Variants in CTNNA2 observed in about 807,000 individuals in gnomAD.
CTNNA2 encodes catenin alpha 2, also known as catenin alpha-2.
Under a neutral mutation model 101.0 loss-of-function variants are expected in CTNNA2, and 42 were observed. The observed-to-expected ratio is 0.42, with a 90% CI of 0.32 to 0.54. CTNNA2 has a LOEUF of 0.54. CTNNA2 is among the 20% of genes least tolerant of loss of function. CTNNA2 has a pLI of 0.14. For synonymous variants in CTNNA2, 450 were observed against 456.4 expected, an observed-to-expected ratio of 0.99 and a Z score of 0.18; for missense variants, 871 against 1,223.1, an observed-to-expected ratio of 0.71 and a Z score of 4.29.
intron 7 of CTNNA2, among the ~76,000 whole-genome samples, chr2:79,960,894 A>C (rs1182961696): frequency 2.6e-5 from 4 of 152,180 alleles, no homozygotes; most frequent in Non-Finnish European, 5.9e-5. Context: ...ATTAAAGGAC[A>C]GGCATGTATT....
rs569344404 is a variant in CTNNA2 at position 79,258,257 on chromosome 2, T to C, written c.-405-54452T>C. Among the ~76,000 whole-genome samples, 25 of 152,132 alleles carry C rather than the reference T, an allele frequency of 1.6e-4. 1 individual carries two copies. The South Asian group carries it at 5.0e-3, about 30-fold the overall frequency. On this transcript the variant is annotated intron_variant, in intron 2 of 21. Coordinates refer to the CTNNA2 transcript ENST00000466387. ...GGGAGTAGAGTGAAGCATGAAGCAATTTATAAAACTGGTCTCTTGAAGCAA... is the reference window on the plus strand; with the variant it reads ...GGGAGTAGAGTGAAGCATGAAGCAACTTATAAAACTGGTCTCTTGAAGCAA...
chr2:80,566,644 G>A (rs1195499635), intron 12 of CTNNA2, among the ~76,000 whole-genome samples: 1 of 152,148 alleles, frequency 6.6e-6, no homozygotes, highest in African/African-American at 2.4e-5. Context: ...TACAGTATGT[G>A]GACAGGAGGG....
Position 79,877,757 on chromosome 2 carries a change from G to A in CTNNA2, c.852+3415G>A, listed in dbSNP as rs117590341. On this transcript the variant is annotated intron_variant, in intron 6 of 18. Transcript: ENST00000402739. ...TAGTGAAAATTTAAATAAGTTTAAC[G>A]TCTTTGAAATGCTGAAGTAAAAGGA... 3.9e-3 allele frequency among the ~76,000 whole-genome samples: 587 copies of A among 152,120 alleles called. 10 individuals carry two copies. In the East Asian group the frequency reaches 0.044, roughly 12 times the overall value.
chr2:80,119,807 T>C (rs1465585369), intron 7 of CTNNA2, among the ~76,000 whole-genome samples: 1 of 152,196 alleles, frequency 6.6e-6, no homozygotes. Flanking sequence ...GGGAATACTA[T>C]GATGACACTT....
At chr2:79,273,304 A>G (rs1181662506) in intron 2 of CTNNA2, among the ~76,000 whole-genome samples, 1 of 152,112 alleles carries the variant, frequency 6.6e-6, no homozygotes, top group Admixed American at 6.6e-5. Flanking sequence ...ACAACTAATT[A>G]AAACATTATA....
At chr2:80,116,376 T>TAAAAAAAA (rs563446744) in intron 7 of CTNNA2, among the ~76,000 whole-genome samples, 1 of 65,316 alleles carries the variant, frequency 1.5e-5, no homozygotes, top group African/African-American at 4.6e-5. Context: ...CCTAAAAAGC[T>TAAAAAAAA]AAAAAAAAAA....
At chr2:80,017,281 C>G (rs1179899323) in intron 7 of CTNNA2, among the ~76,000 whole-genome samples, 1 of 151,734 alleles carries the variant, frequency 6.6e-6, no homozygotes, top group African/African-American at 2.4e-5. Context: ...AGTAGGTGTG[C>G]AACTAATATT....
At chr2:80,344,047 A>G (rs1042349511) in intron 7 of CTNNA2, among the ~76,000 whole-genome samples, 1 of 152,000 alleles carries the variant, frequency 6.6e-6, no homozygotes, top group African/African-American at 2.4e-5. Flanking sequence ...TAGCACCTGC[A>G]CTCTGCCCCA....
At chr2:79,344,382 T>C (rs565175482) in intron 3 of CTNNA2, among the ~76,000 whole-genome samples, 70 of 152,232 alleles carry the variant, frequency 4.6e-4, no homozygotes, top group Non-Finnish European at 7.3e-4. Flanking sequence ...TCCATTCACA[T>C]GGTTTAAATT....
At chr2:80,374,452 T>C (rs1355243101) in intron 7 of CTNNA2, among the ~76,000 whole-genome samples, 1 of 152,128 alleles carries the variant, frequency 6.6e-6, no homozygotes, top group Admixed American at 6.5e-5. Flanking sequence ...CTTTAACCAA[T>C]TTACCGTTCA....
intron 3 of CTNNA2, among the ~76,000 whole-genome samples, chr2:79,753,299 A>G (rs997801767): frequency 6.6e-6 from 1 of 152,230 alleles, no homozygotes; most frequent in Non-Finnish European, 1.5e-5. Context: ...GGGTGTTCAC[A>G]TACGGTAGTC....
chr2:80,427,422 C>G (rs1681091329), intron 9 of CTNNA2, among the ~76,000 whole-genome samples: 1 of 152,200 alleles, frequency 6.6e-6, no homozygotes, highest in African/African-American at 2.4e-5. Context: ...AGTTGTGTCC[C>G]TAACTCCACT....
At chr2:80,258,303 A>AT (rs1380607439) in intron 7 of CTNNA2, among the ~76,000 whole-genome samples, 6 of 152,118 alleles carry the variant, frequency 3.9e-5, no homozygotes, top group Admixed American at 6.6e-5. Context: ...ATCTCAGGTT[A>AT]TTTTTTTGCA....
At chr2:80,487,947 T>C (rs1489986402) in intron 9 of CTNNA2, among the ~76,000 whole-genome samples, 2 of 152,236 alleles carry the variant, frequency 1.3e-5, no homozygotes, top group Admixed American at 1.3e-4. Flanking sequence ...TAATTTTCAT[T>C]GTATAGAAGT....
intron 4 of CTNNA2, among the ~76,000 whole-genome samples, chr2:79,424,684 C>T (rs536648667): frequency 7.9e-5 from 12 of 152,154 alleles, no homozygotes; most frequent in African/African-American, 2.4e-4. Flanking sequence ...AACTCCAACC[C>T]TAGATACTCA....
chr2:79,927,005 A>G (rs936892473), intron 7 of CTNNA2, among the ~76,000 whole-genome samples: 3 of 152,166 alleles, frequency 2.0e-5, no homozygotes, highest in Non-Finnish European at 4.4e-5. Flanking sequence ...GTGTACAGCA[A>G]TAAGAGAAAT....
intron 7 of CTNNA2, among the ~76,000 whole-genome samples, chr2:80,217,438 T>C (rs1383126219): frequency 6.6e-6 from 1 of 151,988 alleles, no homozygotes; most frequent in Non-Finnish European, 1.5e-5. Flanking sequence ...AAAGCCTCAG[T>C]TTTGTTACCT....
At chr2:80,092,758 ATCT>A (rs1284969635) in intron 7 of CTNNA2, among the ~76,000 whole-genome samples, 6 of 152,054 alleles carry the variant, frequency 3.9e-5, no homozygotes, top group African/African-American at 1.2e-4. Context: ...AGGAGAATGC[ATCT>A]TCTTCTTCAG....
At chr2:80,146,149 C>G (rs569961215) in intron 7 of CTNNA2, among the ~76,000 whole-genome samples, 1 of 152,308 alleles carries the variant, frequency 6.6e-6, no homozygotes, top group South Asian at 2.1e-4. Flanking sequence ...CTAGCTGTCT[C>G]TTCAAACAGC....
Sources: allele counts gnomAD v4.1 joint callset (sites outside exome capture counted in the v4.1 genomes callset), GRCh38; gene constraint gnomAD v4.1.1; transcripts MANE v1.5; gene names NCBI Gene and HGNC (gene_info 2026-07-23, HGNC 2026-07-21).